Variants in DMTF1 observed in about 807,000 individuals in gnomAD.
DMTF1 encodes the protein cyclin-D-binding Myb-like transcription factor 1.
In DMTF1, 39 loss-of-function variants were observed where a neutral mutation model predicts 91.1. The observed-to-expected ratio is 0.43, with a 90% CI of 0.33 to 0.56. The LOEUF (loss-of-function observed/expected upper bound fraction) is 0.56, where lower values mean the gene tolerates loss of function less well. DMTF1 is among the 20% of genes least tolerant of loss of function. DMTF1 has a pLI of 0.05. For synonymous variants in DMTF1, 338 were observed against 309.5 expected, an observed-to-expected ratio of 1.09 and a Z score of -0.97; for missense variants, 750 against 914.5, an observed-to-expected ratio of 0.82 and a Z score of 2.32.
chr7:87,182,933 A>C (rs1169002125), intron 10 of DMTF1, among the ~76,000 whole-genome samples: 1 of 152,220 alleles, frequency 6.6e-6, no homozygotes, highest in Non-Finnish European at 1.5e-5. Context: ...TTTGCGACCA[A>C]CAACGTATTT....
intron 17 of DMTF1, 71 bp downstream of exon 17, chr7:87,194,899 T>G: frequency 6.6e-7 from 1 of 1,509,692 alleles, no homozygotes; most frequent in Non-Finnish European, 9.1e-7. Flanking sequence ...TTAATTAACT[T>G]GTTTCAGTCT....
At position 87,171,563 on chromosome 7, in the gene DMTF1, A is replaced by G. The variant is rs117768165; in HGVS notation, c.327+474A>G. Among the ~76,000 whole-genome samples, 220 of 152,312 alleles carry G rather than the reference A, an allele frequency of 1.4e-3. 2 individuals carry two copies. The East Asian group carries it at 0.035, about 24-fold the overall frequency. ...GCTTGAAAAACAATTAGAAACTATT[A>G]TAAGTCCCTATGTATATAGTACTTT... On this transcript the variant is annotated intron_variant, in intron 5 of 17. Transcript: ENST00000331242.
At chr7:87,157,776 A>G (rs1024477005) in intron 1 of DMTF1, among the ~76,000 whole-genome samples, 4 of 151,860 alleles carry the variant, frequency 2.6e-5, no homozygotes, top group South Asian at 2.1e-4. Flanking sequence ...ATTGGGAGCT[A>G]TAAGGTTATA....
At chr7:87,187,952 A>G (rs1436881994) in intron 12 of DMTF1, 140 bp from the exon 13 acceptor site, 2 of 615,048 alleles carry the variant, frequency 3.3e-6, no homozygotes, top group Non-Finnish European at 5.8e-6. Context: ...AAAATATCTT[A>G]TTTTTATAAG....
rs1423958639 is a variant in DMTF1 at position 87,188,255 on chromosome 7, T to C, written c.1365T>C (p.Ser455=). The C allele has an allele frequency of 7.4e-6, 12 of 1,613,878 alleles. No individual in the cohort carries two copies. Among genetic ancestry groups the C allele is most frequent in the Non-Finnish European group, 1.0e-5 (12 of 1,179,894 alleles). Residue 455 remains serine, a synonymous_variant, in exon 13 of 18, where the codon TCT becomes TCC. Transcript: ENST00000331242. ...TGGAAGATAATACAGCCATCTCTTC[T>C]AGCCCCATGGCAGCATTGCAGATTC... ...ARLEDNTAIS[S]SPMAALQIPV...
chr7:87,191,715 G>C (rs748364608), intron 14 of DMTF1, among the ~76,000 whole-genome samples: 54 of 152,096 alleles, frequency 3.6e-4, no homozygotes, highest in Non-Finnish European at 5.9e-4. Context: ...CCATTTATTT[G>C]AAATGTCCAA....
intron 4 of DMTF1, among the ~76,000 whole-genome samples, chr7:87,168,793 A>G (rs897508520): frequency 1.3e-5 from 2 of 152,246 alleles, no homozygotes; most frequent in Admixed American, 6.5e-5. Context: ...CCCACCAGTA[A>G]CAACAGCTCT....
Position 87,193,815 on chromosome 7 carries a change from ACTT to A in DMTF1, c.1746_1748del (p.Ser583del), listed in dbSNP as rs776434762. On this transcript the variant is annotated inframe_deletion, in exon 16 of 18. Coordinates refer to ENST00000331242, the MANE Select transcript of DMTF1 (RefSeq NM_001142327.2). ...TCAGACTGTTGCCACAGAGGACATC[ACTT>A]CTTCCATATCCCAAGCAGAACTGAC... 1 of 1,613,236 alleles carries A rather than the reference ACTT, an allele frequency of 6.2e-7. No homozygotes were observed. Among genetic ancestry groups the A allele is most frequent in the Non-Finnish European group, 8.5e-7 (1 of 1,179,564 alleles).
Position 87,173,590 on chromosome 7 carries a change from C to T in DMTF1, c.383C>T (p.Ser128Leu). 1.2e-6 allele frequency: 2 copies of T among 1,610,626 alleles called. No homozygotes were observed. The highest frequency in any genetic ancestry group is 2.2e-5 in the South Asian group (2 of 90,840). ...EISPLGNEEV[S>L]AVSQAWFTTK... The stretch of plus-strand genomic sequence containing the variant: ...TCTCCCTTGGGTAACGAGGAAGTTT[C>T]AGCAGTTAGCCAAGCATGGTTTACA... Residue 128 changes from serine to leucine, a missense_variant, in exon 6 of 18, where the codon TCA (serine) becomes TTA (leucine). Coordinates refer to ENST00000331242, the MANE Select transcript of DMTF1 (RefSeq NM_001142327.2).
At chr7:87,192,306 C>T (rs145830964) in intron 14 of DMTF1, among the ~76,000 whole-genome samples, 1 of 152,154 alleles carries the variant, frequency 6.6e-6, no homozygotes, top group East Asian at 1.9e-4. Context: ...AATAAAGCCT[C>T]ACATTTGTGA....
chr7:87,166,081 C>A (rs1793759069), intron 3 of DMTF1, among the ~76,000 whole-genome samples: 1 of 152,224 alleles, frequency 6.6e-6, no homozygotes, highest in African/African-American at 2.4e-5. Context: ...AGGCCCCAGT[C>A]ATTTCTGCTT....
At chr7:87,169,459 AAAAT>A (rs1446053813) in intron 4 of DMTF1, among the ~76,000 whole-genome samples, 18 of 152,214 alleles carry the variant, frequency 1.2e-4, no homozygotes, top group South Asian at 2.1e-4. Context: ...TCCTGTCAAA[AAAAT>A]AAATAAAAAG....
At chr7:87,188,007 C>T in intron 12 of DMTF1, 85 bp from the exon 13 acceptor site, 1 of 1,041,428 alleles carries the variant, frequency 9.6e-7, no homozygotes. Flanking sequence ...TACTTTCCCT[C>T]CTTACCTCCC....
chr7:87,169,569 C>A (rs951470948), intron 4 of DMTF1, among the ~76,000 whole-genome samples: 1 of 151,712 alleles, frequency 6.6e-6, no homozygotes, highest in Non-Finnish European at 1.5e-5. Flanking sequence ...CATTTCCTTT[C>A]CTCTTTTTCC....
intron 4 of DMTF1, among the ~76,000 whole-genome samples, chr7:87,168,494 C>T (rs1794339150): frequency 6.6e-6 from 1 of 152,148 alleles, no homozygotes; most frequent in African/African-American, 2.4e-5. Flanking sequence ...CACTGGGCCC[C>T]ATTGATCCTG....
intron 7 of DMTF1, among the ~76,000 whole-genome samples, chr7:87,177,139 G>A (rs531927311): frequency 2.4e-4 from 37 of 152,256 alleles, no homozygotes; most frequent in Non-Finnish European, 1.6e-4. Context: ...TGCATACACT[G>A]TGATTTCACC....
Position 87,190,207 on chromosome 7 carries a change from C to G in DMTF1, c.1412-738C>G, listed in dbSNP as rs113448152. On this transcript the variant is annotated intron_variant, in intron 13 of 17. Coordinates refer to ENST00000331242, the MANE Select transcript of DMTF1 (RefSeq NM_001142327.2). ...TTATACTGTCTGATCTTTATTCAGT[C>G]CCCAAATGTGGTCTTCGGAAATAAT... is the stretch of plus-strand genomic sequence containing the variant. Among the ~76,000 whole-genome samples, 114 of 152,074 alleles carry G rather than the reference C, an allele frequency of 7.5e-4. 2 individuals are homozygous for G. Among genetic ancestry groups the G allele is most frequent in the African/African-American group, 2.7e-3 (112 of 41,504 alleles).
At position 87,184,452 on chromosome 7, in the gene DMTF1, A is replaced by G; in HGVS notation, c.876A>G (p.Thr292=). 1 of 1,614,014 alleles carries G rather than the reference A, an allele frequency of 6.2e-7. No homozygotes were observed. Among genetic ancestry groups the G allele is most frequent in the Non-Finnish European group, 8.5e-7 (1 of 1,179,956 alleles). Residue 292 remains threonine (T), a synonymous_variant, in exon 11 of 18, where the codon ACA becomes ACG. Coordinates refer to ENST00000331242, the MANE Select transcript of DMTF1 (RefSeq NM_001142327.2). ...KRLAEVVHEL[T]STEPGDIVTQ... is the part of the protein sequence containing the mutation. ...TTGCAGAAGTGGTTCATGAGTTGAC[A>G]AGCACTGAGCCAGGTGACATAGTCA...
intron 17 of DMTF1, 49 bp downstream of exon 17, chr7:87,194,877 A>G: frequency 6.4e-7 from 1 of 1,551,660 alleles, no homozygotes; most frequent in Non-Finnish European, 8.8e-7. Flanking sequence ...TTAGATGGAA[A>G]AAAACAGACA....
Sources: allele counts gnomAD v4.1 joint callset (sites outside exome capture counted in the v4.1 genomes callset), GRCh38; gene constraint gnomAD v4.1.1; transcripts MANE v1.5; gene names NCBI Gene and HGNC (gene_info 2026-07-23, HGNC 2026-07-21).